Variants in VCL observed in about 807,000 individuals in gnomAD.
VCL encodes the protein vinculin.
A neutral mutation model predicts 125.7 loss-of-function variants in VCL; 47 were observed. The ratio of observed to expected loss-of-function variants is 0.37; its 90% CI spans 0.30 to 0.48. The LOEUF is 0.48. VCL is among the 20% of genes least tolerant of loss of function. The pLI, the probability that VCL is intolerant of heterozygous loss-of-function variation, is 0.99. For synonymous variants in VCL, 458 were observed against 514.6 expected (o/e 0.89, Z 1.49); for missense variants, 1,069 against 1,455.5 (o/e 0.73, Z 4.32).
At chr10:74,069,238 C>T (rs191401179) in intron 2 of VCL, among the ~76,000 whole-genome samples, 22 of 152,140 alleles carry the variant, frequency 1.4e-4, no homozygotes, top group African/African-American at 2.4e-4. Flanking sequence ...CGGGCTTTCA[C>T]TATGTTGGCC....
At position 74,105,006 on chromosome 10, in the gene VCL, G is replaced by A. The variant is rs1564532803; in HGVS notation, c.2132-45G>A. 1.9e-6 allele frequency: 3 copies of A among 1,604,656 alleles called. No homozygotes were observed. In the South Asian group the frequency reaches 3.3e-5, roughly 18 times the overall value. Reference sequence around the variant, plus strand: ...TGGATAACAGTGTTTTGGAGTTTCTGTTCTTCTAAATTGAAACTAAATTCC... The same window carrying A: ...TGGATAACAGTGTTTTGGAGTTTCTATTCTTCTAAATTGAAACTAAATTCC... On this transcript the variant is annotated intron_variant, in intron 15 of 21. Coordinates refer to ENST00000211998, the MANE Select transcript of VCL (RefSeq NM_014000.3).
At chr10:74,086,978 CATAA>C (rs1480351274) in intron 8 of VCL, among the ~76,000 whole-genome samples, 1 of 151,948 alleles carries the variant, frequency 6.6e-6, no homozygotes, top group Non-Finnish European at 1.5e-5. Context: ...CTGTGTAGCC[CATAA>C]ATAGTTTTAC....
In VCL at chr10:74,072,757, A is replaced by G. The variant is rs573623641; in HGVS notation, c.527A>G (p.Asp176Gly). The G allele has an allele frequency of 4.3e-6, 7 of 1,614,060 alleles. No individual in the cohort carries two copies. The African/African-American group carries it at 6.7e-5, about 15-fold the overall frequency. ...PGMTKMAKMI[D>G]ERQQELTHQE... ...ATGACTAAGATGGCCAAGATGATTG[A>G]CGAGAGACAGCAGGAGCTCACTCAC... The change falls in exon 5 of 22, where the codon GAC (aspartate) becomes GGC (glycine). Residue 176 changes from aspartate to glycine, a missense_variant. Physicochemically the swap from Asp to Gly is moderately conservative, Grantham distance 94. Coordinates refer to ENST00000211998, the MANE Select transcript of VCL (RefSeq NM_014000.3).
chr10:74,112,039 A>G lies in VCL; in HGVS notation c.2876A>G (p.Asn959Ser), dbSNP rs751966871. 8 of 1,614,166 alleles carry G rather than the reference A, an allele frequency of 5.0e-6. No homozygotes were observed. Among genetic ancestry groups the G allele is most frequent in the South Asian group, 2.2e-5 (2 of 91,086 alleles). The change falls in exon 19 of 22, where the codon AAT becomes AGT. Residue 959 changes from asparagine (N) to serine (S), a missense_variant. By Grantham distance (46) the Asn-to-Ser change is conservative. Around this residue, in one of 6 missense-constraint regions of VCL, gnomAD observed 86 missense variants for 91.0 expected, o/e 0.95. Transcript: ENST00000211998. The stretch of plus-strand genomic sequence containing the variant: ...CCTGAGCTGCTGTTAATGCCATCCA[A>G]TCAGCCGGTCAACCAGCCCATTCTG... ...YEPELLLMPS[N>S]QPVNQPILAA...
intron 10 of VCL, 138 bp from the exon 11 acceptor site, chr10:74,094,133 A>G: frequency 9.8e-7 from 1 of 1,015,532 alleles, no homozygotes; most frequent in South Asian, 1.6e-5. Context: ...GGCCAAATAA[A>G]TAAACCACTC....
chr10:74,077,933 A>C (rs772594701), intron 6 of VCL, among the ~76,000 whole-genome samples: 1 of 152,206 alleles, frequency 6.6e-6, no homozygotes, highest in African/African-American at 2.4e-5. Context: ...TCCTTTTCTT[A>C]AATCAACAAT....
At chr10:74,055,530 A>T (rs1023790867) in intron 2 of VCL, among the ~76,000 whole-genome samples, 40 of 143,944 alleles carry the variant, frequency 2.8e-4, no homozygotes, top group Admixed American at 1.2e-3. Context: ...GAAAAAAAAA[A>T]TTTTTTTTTT....
intron 2 of VCL, among the ~76,000 whole-genome samples, chr10:74,049,504 T>G (rs1298318432): frequency 6.6e-6 from 1 of 151,978 alleles, no homozygotes; most frequent in East Asian, 1.9e-4. Flanking sequence ...TCATTATAAG[T>G]AGGAATAGTA....
chr10:74,014,078 T>C (rs370560272), intron 1 of VCL, among the ~76,000 whole-genome samples: 1 of 152,190 alleles, frequency 6.6e-6, no homozygotes, highest in East Asian at 1.9e-4. Context: ...TGATTAAAGA[T>C]AGACATCTAA....
intron 3 of VCL, 23 bp downstream of exon 3, chr10:74,070,843 C>A (rs758328103): frequency 3.1e-6 from 5 of 1,613,608 alleles, no homozygotes; most frequent in Non-Finnish European, 4.2e-6. Context: ...AGACAAAAAG[C>A]CTACTCTTGA....
intron 8 of VCL, among the ~76,000 whole-genome samples, chr10:74,085,807 T>C (rs1839761034): frequency 6.6e-6 from 1 of 152,170 alleles, no homozygotes; most frequent in Non-Finnish European, 1.5e-5. Context: ...TTATACCTGG[T>C]CTCCAATATT....
chr10:74,099,271 C>T (rs1298293649), intron 13 of VCL, among the ~76,000 whole-genome samples: 1 of 152,210 alleles, frequency 6.6e-6, no homozygotes, highest in Non-Finnish European at 1.5e-5. Context: ...CCCTCCCTCT[C>T]ATTTCTGGCC....
chr10:74,002,560 A>G (rs1840246125), intron 1 of VCL, among the ~76,000 whole-genome samples: 1 of 151,922 alleles, frequency 6.6e-6, no homozygotes, highest in African/African-American at 2.4e-5. Flanking sequence ...AAAGACAGAT[A>G]GGATTTGAAT....
chr10:74,021,222 A>T (rs893670171), intron 1 of VCL, among the ~76,000 whole-genome samples: 1 of 151,982 alleles, frequency 6.6e-6, no homozygotes. Context: ...CTGTGTTACT[A>T]AAATATTTGA....
At chr10:74,114,430 TGTGTGTGC>T (rs767741559) in intron 20 of VCL, 43 bp downstream of exon 20, 94 of 1,489,584 alleles carry the variant, frequency 6.3e-5, no homozygotes, top group Non-Finnish European at 7.2e-5. Context: ...TGTGTGTGTG[TGTGTGTGC>T]GTGTGTGTGT....
At chr10:74,098,980 AAAC>A (rs1840010886) in intron 13 of VCL, among the ~76,000 whole-genome samples, 1 of 152,170 alleles carries the variant, frequency 6.6e-6, no homozygotes, top group Non-Finnish European at 1.5e-5. Flanking sequence ...TCATACAAAT[AAAC>A]AACTAAGGCA....
intron 1 of VCL, among the ~76,000 whole-genome samples, chr10:74,002,065 AC>A (rs1417464702): frequency 6.6e-6 from 1 of 152,142 alleles, no homozygotes; most frequent in Non-Finnish European, 1.5e-5. Flanking sequence ...GTTTATTGAG[AC>A]CCCTTCCAAT....
At chr10:74,113,959 CTCTT>C (rs768403496) in intron 19 of VCL, among the ~76,000 whole-genome samples, 31 of 152,248 alleles carry the variant, frequency 2.0e-4, no homozygotes, top group Admixed American at 5.2e-4. Context: ...TCTCTCCTCT[CTCTT>C]TGTTTCTCAC....
chr10:74,055,379 A>C (rs943843847), intron 2 of VCL, among the ~76,000 whole-genome samples: 1 of 151,998 alleles, frequency 6.6e-6, no homozygotes, highest in East Asian at 1.9e-4. Context: ...GGATCTTGCT[A>C]TGTCACCTAG....
Sources: gnomAD v4.1 joint callset for allele counts (sites outside exome capture counted in the v4.1 genomes callset) on GRCh38, gnomAD v4.1.1 for gene constraint, gnomAD v4.1.1 regional missense constraint, MANE v1.5 for transcripts, NCBI Gene and HGNC (gene_info 2026-07-23, HGNC 2026-07-21) for gene names.